CTNND2: variants seen among roughly 807,000 people sequenced by gnomAD.
The protein encoded by CTNND2 is catenin delta 2.
In CTNND2, 22 loss-of-function variants were observed where a neutral mutation model predicts 144.4. The observed-to-expected ratio is 0.15, with a 90% CI of 0.11 to 0.22. CTNND2 has a LOEUF of 0.22. Among genes scored for constraint, CTNND2 ranks in the 10% least tolerant of loss-of-function variants. The probability of loss-of-function intolerance (pLI) is 1.00; values close to 1 mark genes in which losing one functional copy is unlikely to be tolerated. For synonymous variants in CTNND2, 751 were observed against 695.6 expected (o/e 1.08, Z -1.25); for missense variants, 1,353 against 1,618.8 (o/e 0.84, Z 2.82).
chr5:11,591,520 T>C (rs1779238908), intron 2 of CTNND2, among the ~76,000 whole-genome samples: 1 of 150,940 alleles, frequency 6.6e-6, no homozygotes, highest in African/African-American at 2.4e-5. Flanking sequence ...TTGATGCTTC[T>C]AACATGGTTT....
rs145432240 is a variant in CTNND2 at position 11,252,120 on chromosome 5, T to G, written c.1629-15297A>C. 1.8e-3 allele frequency among the ~76,000 whole-genome samples: 269 copies of G among 152,326 alleles called. 1 individual carries two copies. The highest frequency in any genetic ancestry group is 6.3e-3 in the African/African-American group (260 of 41,590). ...TTATTATATTCAGCTTGTTCTTCAC[T>G]GCATCAAATTGCTCTTAATGTCTTC... On this transcript the variant is annotated intron_variant, in intron 9 of 21. Coordinates refer to ENST00000304623, the MANE Select transcript of CTNND2 (RefSeq NM_001332.4).
chr5:11,791,922 T>C (rs1264642786), intron 1 of CTNND2, among the ~76,000 whole-genome samples: 2 of 152,106 alleles, frequency 1.3e-5, no homozygotes, highest in Non-Finnish European at 2.9e-5. Context: ...CAAAATGCAG[T>C]CATGCTGGTT....
At chr5:11,820,960 T>C (rs537126548) in intron 1 of CTNND2, among the ~76,000 whole-genome samples, 10 of 152,348 alleles carry the variant, frequency 6.6e-5, no homozygotes, top group Middle Eastern at 6.8e-3. Context: ...ATTCACAAAC[T>C]AGACACCACT....
intron 9 of CTNND2, among the ~76,000 whole-genome samples, chr5:11,269,646 G>C (rs1745794729): frequency 6.6e-6 from 1 of 152,156 alleles, no homozygotes; most frequent in Admixed American, 6.5e-5. Context: ...CACATGAATA[G>C]GAAGTTCACA....
At chr5:11,404,602 C>CCTTT (rs1760925742) in intron 5 of CTNND2, among the ~76,000 whole-genome samples, 3 of 57,366 alleles carry the variant, frequency 5.2e-5, no homozygotes, top group East Asian at 7.0e-4. Flanking sequence ...TATCTGTATT[C>CCTTT]TTTTTTTTTT....
intron 3 of CTNND2, among the ~76,000 whole-genome samples, chr5:11,548,089 C>T (rs989370864): frequency 2.0e-5 from 3 of 152,144 alleles, no homozygotes; most frequent in Non-Finnish European, 4.4e-5. Flanking sequence ...CCAGCACCCA[C>T]GACACCATGG....
intron 1 of CTNND2, among the ~76,000 whole-genome samples, chr5:11,786,528 C>A (rs1025254363): frequency 2.6e-5 from 4 of 152,070 alleles, no homozygotes; most frequent in Admixed American, 6.5e-5. Flanking sequence ...TCAATTCTTC[C>A]CTAAAATCAG....
At chr5:11,612,470 CCTT>C in intron 2 of CTNND2, among the ~76,000 whole-genome samples, 1 of 152,176 alleles carries the variant, frequency 6.6e-6, no homozygotes, top group Middle Eastern at 3.4e-3. Flanking sequence ...TAGCTATGTA[CCTT>C]CTTCGTTCTT....
chr5:11,250,523 T>A lies in CTNND2; in HGVS notation c.1629-13700A>T, dbSNP rs59031093. ...TATATATATATATATACATATATTT[T>A]TTTTTTTTTTTAGAGACAGGGTCTT... On this transcript the variant is annotated intron_variant, in intron 9 of 21. Coordinates refer to ENST00000304623, the MANE Select transcript of CTNND2 (RefSeq NM_001332.4). Among the ~76,000 whole-genome samples, 951 of 107,710 alleles carry A rather than the reference T, an allele frequency of 8.8e-3. 25 individuals carry two copies. Among genetic ancestry groups the A allele is most frequent in the African/African-American group, 0.035 (760 of 21,960 alleles). 70.7% of individuals were successfully genotyped at this position (107,710 alleles called of 152,430 possible). A position where few individuals can be genotyped will look rare whatever the true frequency, so the allele number is the denominator to read the frequency against.
intron 16 of CTNND2, among the ~76,000 whole-genome samples, chr5:11,054,784 A>G (rs1373724026): frequency 6.6e-6 from 1 of 152,146 alleles, no homozygotes; most frequent in East Asian, 1.9e-4. Context: ...CTATATTATA[A>G]TAATATTCTC....
At position 11,582,041 on chromosome 5, in the gene CTNND2, G is replaced by A. The variant is rs991178037; in HGVS notation, c.175-16985C>T. Among the ~76,000 whole-genome samples, 6 of 152,170 alleles carry A rather than the reference G, an allele frequency of 3.9e-5. No individual in the cohort carries two copies. The South Asian group carries it at 1.2e-3, about 32-fold the overall frequency. ...TGACCAAGGACTGAGATTAACAAAGGATGGAGACCAGTGGATGAGACACCC... is the reference window on the plus strand; with the variant it reads ...TGACCAAGGACTGAGATTAACAAAGAATGGAGACCAGTGGATGAGACACCC... On this transcript the variant is annotated intron_variant, in intron 2 of 21. Transcript: ENST00000304623.
chr5:11,714,025 G>A (rs1474260410), intron 2 of CTNND2, among the ~76,000 whole-genome samples: 1 of 152,168 alleles, frequency 6.6e-6, no homozygotes. Context: ...TAGTTTAACT[G>A]TAAATTACAT....
chr5:11,726,614 A>G (rs73743052), intron 2 of CTNND2, among the ~76,000 whole-genome samples: 4,384 of 152,318 alleles, frequency 0.029, 211 homozygotes, highest in African/African-American at 0.1. Flanking sequence ...GTATGATTTT[A>G]CATATGAATA....
At chr5:11,413,788 T>A (rs994142237) in intron 3 of CTNND2, among the ~76,000 whole-genome samples, 4 of 152,150 alleles carry the variant, frequency 2.6e-5, no homozygotes, top group Non-Finnish European at 5.9e-5. Context: ...CACAACTTCA[T>A]TCTTCTATAT....
chr5:11,217,675 G>T (rs186667426), intron 10 of CTNND2, among the ~76,000 whole-genome samples: 1 of 152,260 alleles, frequency 6.6e-6, no homozygotes, highest in East Asian at 1.9e-4. Context: ...GGTCTAACAG[G>T]AATTTCAGGC....
chr5:11,853,028 G>A (rs940209877), intron 1 of CTNND2, among the ~76,000 whole-genome samples: 6 of 151,972 alleles, frequency 3.9e-5, no homozygotes, highest in Non-Finnish European at 8.8e-5. Flanking sequence ...TTCAAACCTC[G>A]GGAGATTAAT....
chr5:11,658,508 G>A (rs1739174472), intron 2 of CTNND2, among the ~76,000 whole-genome samples: 1 of 152,062 alleles, frequency 6.6e-6, no homozygotes, highest in Non-Finnish European at 1.5e-5. Context: ...GGAATAAACA[G>A]AATCCATTAT....
chr5:11,387,192 G>C (rs258826), intron 6 of CTNND2, among the ~76,000 whole-genome samples: 18,997 of 150,294 alleles, frequency 0.13, 2,973 homozygotes, highest in African/African-American at 0.37. Flanking sequence ...CCCACGTCCC[G>C]CTAGAGCAGT....
At chr5:11,529,420 C>T (rs1343050193) in intron 3 of CTNND2, among the ~76,000 whole-genome samples, 2 of 152,164 alleles carry the variant, frequency 1.3e-5, no homozygotes, top group Admixed American at 1.3e-4. Flanking sequence ...AAAATTCTTC[C>T]ATAGTTCATA....
Sources: allele counts gnomAD v4.1 joint callset (sites outside exome capture counted in the v4.1 genomes callset), GRCh38; gene constraint gnomAD v4.1.1; transcripts MANE v1.5; gene names NCBI Gene and HGNC (gene_info 2026-07-23, HGNC 2026-07-21).